Variants in ZNF804B observed in about 807,000 individuals in gnomAD.
ZNF804B encodes zinc finger protein 804B.
Under a neutral mutation model 101.4 loss-of-function variants are expected in ZNF804B, and 80 were observed. The observed-to-expected ratio is 0.79, with a 90% confidence interval of 0.66 to 0.95. The LOEUF (loss-of-function observed/expected upper bound fraction) is 0.95. ZNF804B is among the 40% of genes least tolerant of loss of function. ZNF804B has a pLI of 0.00. For missense variants in ZNF804B, 1,673 were observed against 1,561.9 expected (o/e 1.07, Z -1.20); for synonymous variants, 622 against 558.8 (o/e 1.11, Z -1.59).
chr7:88,934,380 A>G lies in ZNF804B; in HGVS notation c.108+174296A>G, dbSNP rs541174302. 3.9e-4 allele frequency among the ~76,000 whole-genome samples: 59 copies of G among 152,024 alleles called. 1 individual carries two copies. The highest frequency in any genetic ancestry group is 6.5e-4 in the Non-Finnish European group (44 of 67,972). On this transcript the variant is annotated intron_variant, in intron 1 of 3. Coordinates refer to ENST00000333190, the MANE Select transcript of ZNF804B (RefSeq NM_181646.5). Reference sequence around the variant, plus strand: ...TAAGACTCCAAAAGCAAATGCAACAAAAACAAAAATGAATAAATGGTACTT... The same window carrying G: ...TAAGACTCCAAAAGCAAATGCAACAGAAACAAAAATGAATAAATGGTACTT...
intron 1 of ZNF804B, 104 bp from the exon 2 acceptor site, chr7:89,218,051 G>A: frequency 1.7e-6 from 2 of 1,147,890 alleles, no homozygotes; most frequent in Non-Finnish European, 2.5e-6. Context: ...AAAACAATGT[G>A]CTCCGTCATA....
At chr7:89,197,900 G>C (rs960585989) in intron 1 of ZNF804B, among the ~76,000 whole-genome samples, 2 of 151,790 alleles carry the variant, frequency 1.3e-5, no homozygotes, top group Admixed American at 6.6e-5. Flanking sequence ...CTTCAATTGA[G>C]TAGCAAATTG....
intron 2 of ZNF804B, among the ~76,000 whole-genome samples, chr7:89,300,894 G>T (rs1311862853): frequency 1.3e-5 from 2 of 151,776 alleles, no homozygotes; most frequent in Non-Finnish European, 2.9e-5. Context: ...GCAGCTGAGA[G>T]ATCTGCTAGA....
At chr7:88,957,864 A>G (rs967835794) in intron 1 of ZNF804B, among the ~76,000 whole-genome samples, 2 of 151,338 alleles carry the variant, frequency 1.3e-5, no homozygotes, top group African/African-American at 2.4e-5. Flanking sequence ...TTGATCATTT[A>G]CTTCTAAAAT....
chr7:89,032,432 A>C (rs986347404), intron 1 of ZNF804B, among the ~76,000 whole-genome samples: 1 of 152,142 alleles, frequency 6.6e-6, no homozygotes, highest in African/African-American at 2.4e-5. Context: ...GAAACTAATA[A>C]ATGAGATATA....
intron 1 of ZNF804B, among the ~76,000 whole-genome samples, chr7:88,854,527 T>TTTGCTTCC (rs1791519440): frequency 5.0e-5 from 2 of 40,076 alleles, no homozygotes; most frequent in African/African-American, 1.0e-4. Context: ...CTTTCCTTCC[T>TTTGCTTCC]TTCCTTCCTT....
chr7:89,291,525 T>C (rs112078672), intron 2 of ZNF804B, among the ~76,000 whole-genome samples: 2,904 of 152,094 alleles, frequency 0.019, 77 homozygotes, highest in African/African-American at 0.066. Flanking sequence ...TCAGAATTGA[T>C]CAAACAGAAG....
intron 1 of ZNF804B, among the ~76,000 whole-genome samples, chr7:88,993,229 T>C (rs941727147): frequency 1.4e-4 from 21 of 152,064 alleles, no homozygotes; most frequent in African/African-American, 3.9e-4. Flanking sequence ...GAAGAAGGTA[T>C]GAAAGAAATA....
intron 2 of ZNF804B, among the ~76,000 whole-genome samples, chr7:89,223,074 C>T (rs111460629): frequency 6.6e-6 from 1 of 151,760 alleles, no homozygotes; most frequent in Middle Eastern, 3.2e-3. Flanking sequence ...GTTCTTTCTT[C>T]TTTAAGAGCT....
intron 2 of ZNF804B, among the ~76,000 whole-genome samples, chr7:89,246,776 G>A (rs1789454070): frequency 6.6e-6 from 1 of 152,020 alleles, no homozygotes. Flanking sequence ...CATAGATTGT[G>A]GTGCAATAGG....
chr7:89,002,090 T>A (rs1282816249), intron 1 of ZNF804B, among the ~76,000 whole-genome samples: 1 of 151,584 alleles, frequency 6.6e-6, no homozygotes, highest in Admixed American at 6.6e-5. Flanking sequence ...ATAAAATGTG[T>A]GAGTAATATT....
At chr7:89,242,191 A>G (rs1359851894) in intron 2 of ZNF804B, among the ~76,000 whole-genome samples, 1 of 151,948 alleles carries the variant, frequency 6.6e-6, no homozygotes. Context: ...ACCTAGAACA[A>G]TGTTTATGCA....
chr7:89,089,830 A>G (rs966970543), intron 1 of ZNF804B, among the ~76,000 whole-genome samples: 1 of 152,064 alleles, frequency 6.6e-6, no homozygotes, highest in Non-Finnish European at 1.5e-5. Flanking sequence ...ATCATTTCTT[A>G]TGGAAAATTA....
intron 1 of ZNF804B, among the ~76,000 whole-genome samples, chr7:88,850,828 T>C (rs140135665): frequency 1.9e-4 from 29 of 152,128 alleles, no homozygotes; most frequent in Non-Finnish European, 2.5e-4. Flanking sequence ...TCAAAACTAA[T>C]CCATAAATGA....
At chr7:89,316,183 A>G (rs930817770) in intron 2 of ZNF804B, among the ~76,000 whole-genome samples, 3 of 152,126 alleles carry the variant, frequency 2.0e-5, no homozygotes, top group Admixed American at 6.6e-5. Flanking sequence ...AGCAAGATTA[A>G]TATGTTGAAG....
chr7:88,930,641 C>T (rs1453014864), intron 1 of ZNF804B, among the ~76,000 whole-genome samples: 5 of 151,710 alleles, frequency 3.3e-5, no homozygotes, highest in Non-Finnish European at 5.9e-5. Flanking sequence ...ATTAAGACAT[C>T]GTGTTTTGTG....
At chr7:88,982,194 C>CCAG (rs1793702111) in intron 1 of ZNF804B, among the ~76,000 whole-genome samples, 1 of 151,914 alleles carries the variant, frequency 6.6e-6, no homozygotes, top group South Asian at 2.1e-4. Flanking sequence ...TCCATACCAG[C>CCAG]CAGCGGTCTT....
At chr7:89,121,141 G>T (rs1488664579) in intron 1 of ZNF804B, among the ~76,000 whole-genome samples, 1 of 152,156 alleles carries the variant, frequency 6.6e-6, no homozygotes, top group Non-Finnish European at 1.5e-5. Flanking sequence ...CAGGCTTTTT[G>T]CTCCTCAAGG....
At chr7:88,845,323 TAAC>T (rs1419913706) in intron 1 of ZNF804B, among the ~76,000 whole-genome samples, 3 of 105,892 alleles carry the variant, frequency 2.8e-5, no homozygotes, top group East Asian at 2.9e-4. Flanking sequence ...ACACACACAA[TAAC>T]AACACACAGT....
Sources: gnomAD v4.1 joint callset for allele counts (sites outside exome capture counted in the v4.1 genomes callset) on GRCh38, gnomAD v4.1.1 for gene constraint, MANE v1.5 for transcripts, NCBI Gene and HGNC (gene_info 2026-07-23, HGNC 2026-07-21) for gene names.